ABCC1: variants seen among roughly 807,000 people sequenced by gnomAD.
ABCC1 encodes the protein ATP binding cassette subfamily C member 1 (ABCC1 blood group).
A neutral mutation model predicts 172.9 loss-of-function variants in ABCC1; 83 were observed. The ratio of observed to expected loss-of-function variants is 0.48; its 90% CI spans 0.40 to 0.58. The LOEUF is 0.58. ABCC1 is among the 20% of genes least tolerant of loss of function. The pLI is 0.00. For missense variants in ABCC1, 1,817 were observed against 2,002.7 expected (o/e 0.91, Z 1.77); for synonymous variants, 937 against 825.2 (o/e 1.14, Z -2.32).
chr16:16,102,041 A>G (rs2074085), intron 19 of ABCC1, among the ~76,000 whole-genome samples: 21,408 of 151,940 alleles, frequency 0.14, 1,621 homozygotes, highest in East Asian at 0.27. Flanking sequence ...ATGTTGAAAT[A>G]CTTTATTACT....
chr16:16,108,966 G>A (rs1041689961), intron 21 of ABCC1, among the ~76,000 whole-genome samples: 2 of 151,954 alleles, frequency 1.3e-5, no homozygotes, highest in African/African-American at 4.8e-5. Context: ...GAACGCTGCA[G>A]GCTAATTTCA....
At chr16:16,087,779 T>G (rs2051070943) in intron 18 of ABCC1, among the ~76,000 whole-genome samples, 1 of 151,798 alleles carries the variant, frequency 6.6e-6, no homozygotes, top group Non-Finnish European at 1.5e-5. Context: ...ATTTTAAAAC[T>G]AACACATCCC....
At chr16:16,114,390 AG>A (rs1245946234) in intron 22 of ABCC1, among the ~76,000 whole-genome samples, 1 of 149,364 alleles carries the variant, frequency 6.7e-6, no homozygotes, top group Non-Finnish European at 1.5e-5. Flanking sequence ...CCCATGTTGG[AG>A]TGGAGTGGAC....
At chr16:15,994,957 T>TC (rs1044699847) in intron 1 of ABCC1, among the ~76,000 whole-genome samples, 19 of 151,328 alleles carry the variant, frequency 1.3e-4, no homozygotes, top group Non-Finnish European at 2.5e-4. Flanking sequence ...ATGGTGAAAC[T>TC]CCATCTGTAC....
chr16:16,121,169 C>T (rs1236855576), intron 23 of ABCC1, among the ~76,000 whole-genome samples: 1 of 152,028 alleles, frequency 6.6e-6, no homozygotes, highest in Admixed American at 6.6e-5. Context: ...TCACAATGAC[C>T]CCGTGAAGCA....
In ABCC1 at chr16:16,073,209, T is replaced by G. The variant is rs201030602; in HGVS notation, c.1912+1480T>G. Reference sequence around the variant, plus strand: ...GAGGAGGGTGATGGAAACCCCCATTTTCCAGATGAAGAAACTGGTCTCTGA... The same window carrying G: ...GAGGAGGGTGATGGAAACCCCCATTGTCCAGATGAAGAAACTGGTCTCTGA... On this transcript the variant is annotated intron_variant, in intron 14 of 30. Coordinates refer to ENST00000399410, the MANE Select transcript of ABCC1 (RefSeq NM_004996.4). Among the ~76,000 whole-genome samples, 9 of 152,208 alleles carry G rather than the reference T, an allele frequency of 5.9e-5. No homozygotes were observed. In the South Asian group the frequency reaches 1.5e-3, roughly 25 times the overall value.
chr16:16,066,268 G>C (rs2050110604), intron 12 of ABCC1, among the ~76,000 whole-genome samples: 1 of 151,836 alleles, frequency 6.6e-6, no homozygotes, highest in South Asian at 2.1e-4. Context: ...TACAACGTTT[G>C]CCTCCTAGGT....
chr16:16,132,416 T>C (rs922663983), intron 27 of ABCC1, among the ~76,000 whole-genome samples: 4 of 150,728 alleles, frequency 2.7e-5, no homozygotes, highest in Admixed American at 6.6e-5. Context: ...TCAACCGGTC[T>C]GCCCGCCTCA....
intron 13 of ABCC1, among the ~76,000 whole-genome samples, chr16:16,068,593 C>T (rs1307074045): frequency 6.6e-6 from 1 of 152,196 alleles, no homozygotes; most frequent in Admixed American, 6.5e-5. Flanking sequence ...CAGCCTGTTC[C>T]TCCGCCATTC....
intron 1 of ABCC1, among the ~76,000 whole-genome samples, chr16:15,979,977 A>G (rs2046583651): frequency 6.6e-6 from 1 of 152,106 alleles, no homozygotes; most frequent in Non-Finnish European, 1.5e-5. Context: ...GTGGGGAGTG[A>G]CATTTTGAGG....
intron 1 of ABCC1, among the ~76,000 whole-genome samples, chr16:15,978,507 G>A (rs968025235): frequency 6.6e-6 from 1 of 152,070 alleles, no homozygotes; most frequent in African/African-American, 2.4e-5. Context: ...TATCTCTTTG[G>A]TGGTACTCTG....
chr16:15,954,572 G>C (rs1371536156), intron 1 of ABCC1, among the ~76,000 whole-genome samples: 1 of 148,120 alleles, frequency 6.8e-6, no homozygotes, highest in Non-Finnish European at 1.5e-5. Context: ...GGACTCAGGG[G>C]TTCCTGGTCC....
chr16:16,131,823 G>C lies in ABCC1; in HGVS notation c.3854G>C (p.Ser1285Thr). ...CAAATCCAGGAGACAGCTCCGCCCA[G>C]CAGCTGGCCCCAGGTGGGCCGAGTG... is the stretch of plus-strand genomic sequence containing the variant. Reference protein sequence around the residue: ...PWQIQETAPPSSWPQVGRVEF... With the variant: ...PWQIQETAPPTSWPQVGRVEF... The change falls in exon 27 of 31, where the codon AGC (serine) becomes ACC (threonine). Residue 1285 changes from serine to threonine, a missense_variant. Around this residue, in one of 3 missense-constraint regions of ABCC1, gnomAD observed 1,412 missense variants for 1,600.3 expected, o/e 0.88. Coordinates refer to ENST00000399410, the MANE Select transcript of ABCC1 (RefSeq NM_004996.4). The C allele has an allele frequency of 1.2e-6, 2 of 1,614,170 alleles. No individual in the cohort carries two copies. The highest frequency in any genetic ancestry group is 1.7e-5 in the Admixed American group (1 of 60,014).
At chr16:16,010,211 T>C (rs1279893389) in intron 3 of ABCC1, among the ~76,000 whole-genome samples, 1 of 151,912 alleles carries the variant, frequency 6.6e-6, no homozygotes, top group African/African-American at 2.4e-5. Flanking sequence ...GCCCAGCTTA[T>C]TTTTGGCTAA....
chr16:15,991,323 A>C (rs2046862314), intron 1 of ABCC1, among the ~76,000 whole-genome samples: 1 of 151,768 alleles, frequency 6.6e-6, no homozygotes, highest in Non-Finnish European at 1.5e-5. Flanking sequence ...GGTGGGGTGA[A>C]TCTTATTTCT....
intron 2 of ABCC1, 112 bp downstream of exon 2, chr16:16,008,104 C>T: frequency 9.1e-7 from 1 of 1,102,750 alleles, no homozygotes; most frequent in South Asian, 1.6e-5. Context: ...TAAGTTCCTT[C>T]TTCTAGAAGG....
chr16:16,112,751 A>C (rs114696797), intron 22 of ABCC1, among the ~76,000 whole-genome samples: 3,055 of 152,328 alleles, frequency 0.02, 114 homozygotes, highest in African/African-American at 0.069. Flanking sequence ...TCCATATGAT[A>C]TATACACAGT....
intron 1 of ABCC1, among the ~76,000 whole-genome samples, chr16:15,992,892 C>G (rs1003562041): frequency 6.6e-6 from 1 of 152,118 alleles, no homozygotes; most frequent in African/African-American, 2.4e-5. Context: ...GCCATATCCT[C>G]CCCCCACCCC....
At chr16:16,066,844 G>A (rs957586830) in intron 12 of ABCC1, among the ~76,000 whole-genome samples, 4 of 151,624 alleles carry the variant, frequency 2.6e-5, no homozygotes, top group Admixed American at 6.6e-5. Context: ...CAGAGGTTGC[G>A]GTGAACTGCG....
Sources: allele counts gnomAD v4.1 joint callset (sites outside exome capture counted in the v4.1 genomes callset), GRCh38; gene constraint gnomAD v4.1.1; regional missense constraint gnomAD v4.1.1; transcripts MANE v1.5; gene names NCBI Gene and HGNC (gene_info 2026-07-23, HGNC 2026-07-21).